The following GALNT13 variants were observed in gnomAD, a reference collection of about 807,000 sequenced individuals.
GALNT13 encodes UDP-GalNAc:polypeptide N-acetylgalactosaminyltransferase 13.
Under a neutral mutation model 64.2 loss-of-function variants are expected in GALNT13, and 28 were observed. The observed-to-expected ratio is 0.44, with a 90% confidence interval of 0.32 to 0.60. GALNT13 has a LOEUF of 0.60. GALNT13 is among the 20% of genes least tolerant of loss of function. GALNT13 has a pLI of 0.05. For missense variants in GALNT13, 577 were observed against 669.8 expected, an observed-to-expected ratio of 0.86 and a Z score of 1.53; for synonymous variants, 214 against 224.6, an observed-to-expected ratio of 0.95 and a Z score of 0.42.
the GALNT13 span, among the ~76,000 whole-genome samples, chr2:153,592,669 A>T: frequency 6.6e-6 from 1 of 152,150 alleles, no homozygotes; most frequent in East Asian, 1.9e-4. Flanking sequence ...AAAGAGTGGA[A>T]TTATAGACAA....
At chr2:154,356,542 G>A (rs1007488692) in intron 9 of GALNT13, among the ~76,000 whole-genome samples, 1 of 151,888 alleles carries the variant, frequency 6.6e-6, no homozygotes, top group Non-Finnish European at 1.5e-5. Context: ...CTTGCATGAG[G>A]TACTTTATCA....
chr2:154,297,208 G>T (rs552797907), intron 8 of GALNT13, among the ~76,000 whole-genome samples: 88 of 152,226 alleles, frequency 5.8e-4, no homozygotes, highest in African/African-American at 1.9e-3. Context: ...ATTTTTAAAA[G>T]ACCACTTTGA....
chr2:154,278,799 C>CA (rs1415779025), intron 8 of GALNT13, among the ~76,000 whole-genome samples: 2 of 151,968 alleles, frequency 1.3e-5, no homozygotes, highest in African/African-American at 4.8e-5. Flanking sequence ...ATTGTGAAAA[C>CA]ATGTAGTGGG....
At chr2:153,975,132 G>A (rs1357784098) in intron 3 of GALNT13, among the ~76,000 whole-genome samples, 1 of 151,988 alleles carries the variant, frequency 6.6e-6, no homozygotes, top group Non-Finnish European at 1.5e-5. Context: ...TTAATTCAAG[G>A]AAATGTATTT....
the GALNT13 span, among the ~76,000 whole-genome samples, chr2:153,592,175 C>G: frequency 5.3e-5 from 8 of 151,940 alleles, no homozygotes; most frequent in East Asian, 1.9e-4. Flanking sequence ...GCATTAAAGT[C>G]AAGAAACAAC....
chr2:154,401,079 T>G (rs1229907246), intron 10 of GALNT13, among the ~76,000 whole-genome samples: 1 of 152,198 alleles, frequency 6.6e-6, no homozygotes, highest in Non-Finnish European at 1.5e-5. Context: ...AGCATATGCA[T>G]TTTGTATTGT....
chr2:154,361,280 A>T (rs1464283157), intron 9 of GALNT13, among the ~76,000 whole-genome samples: 1 of 152,132 alleles, frequency 6.6e-6, no homozygotes, highest in Non-Finnish European at 1.5e-5. Context: ...ATATAGCATA[A>T]ACGCTTCCTT....
At chr2:153,256,723 A>G in the GALNT13 span, among the ~76,000 whole-genome samples, 4 of 152,266 alleles carry the variant, frequency 2.6e-5, no homozygotes, top group South Asian at 2.1e-4. Flanking sequence ...GTGAGGTGTC[A>G]GTCTGCCCCT....
chr2:153,124,138 C>T, the GALNT13 span, among the ~76,000 whole-genome samples: 1 of 152,078 alleles, frequency 6.6e-6, no homozygotes, highest in Non-Finnish European at 1.5e-5. Context: ...AAACTGAGGC[C>T]CTCAGTCCAA....
chr2:153,854,280 T>G, the GALNT13 span, among the ~76,000 whole-genome samples: 1 of 151,542 alleles, frequency 6.6e-6, no homozygotes, highest in Non-Finnish European at 1.5e-5. Flanking sequence ...AAATATAATT[T>G]ATATTATTAA....
chr2:153,684,855 C>T, the GALNT13 span, among the ~76,000 whole-genome samples: 1 of 151,750 alleles, frequency 6.6e-6, no homozygotes, highest in Non-Finnish European at 1.5e-5. Context: ...CTCTATGTTT[C>T]CTTGTGTTCT....
At chr2:154,441,635 A>AT (rs1355153036) in intron 12 of GALNT13, 3 of 152,264 alleles carry the variant, frequency 2.0e-5, no homozygotes, top group African/African-American at 7.2e-5. Context: ...TGTGAATCTC[A>AT]CCATGTGAAC....
chr2:154,219,439 A>C (rs1688212289), intron 4 of GALNT13, among the ~76,000 whole-genome samples: 1 of 152,112 alleles, frequency 6.6e-6, no homozygotes, highest in African/African-American at 2.4e-5. Flanking sequence ...CCATTTTCAC[A>C]ATCTTACCAT....
At chr2:153,162,552 C>G in the GALNT13 span, among the ~76,000 whole-genome samples, 1 of 152,116 alleles carries the variant, frequency 6.6e-6, no homozygotes, top group African/African-American at 2.4e-5. Flanking sequence ...AGTCAGCCCC[C>G]CTGGGAAGAG....
intron 4 of GALNT13, among the ~76,000 whole-genome samples, chr2:154,166,815 A>G (rs1267186942): frequency 2.6e-5 from 4 of 152,224 alleles, no homozygotes; most frequent in Admixed American, 2.0e-4. Flanking sequence ...GGATGAGTTC[A>G]TGTCCTTTGT....
chr2:154,325,786 A>G (rs1047954304), intron 9 of GALNT13, among the ~76,000 whole-genome samples: 5 of 152,002 alleles, frequency 3.3e-5, no homozygotes, highest in African/African-American at 1.2e-4. Flanking sequence ...TCAAGCATGT[A>G]TTTCATTTTT....
the GALNT13 span, among the ~76,000 whole-genome samples, chr2:153,726,468 T>G: frequency 6.6e-6 from 1 of 152,220 alleles, no homozygotes; most frequent in Admixed American, 6.5e-5. Flanking sequence ...ATAAAATTCC[T>G]GCAAAGTAAA....
At chr2:153,764,760 T>C in the GALNT13 span, among the ~76,000 whole-genome samples, 1 of 152,188 alleles carries the variant, frequency 6.6e-6, no homozygotes, top group Non-Finnish European at 1.5e-5. Flanking sequence ...TCCAGAAGCC[T>C]TGAAGTAATA....
intron 3 of GALNT13, among the ~76,000 whole-genome samples, chr2:153,971,632 T>C (rs1006286399): frequency 1.3e-5 from 2 of 152,138 alleles, no homozygotes; most frequent in Non-Finnish European, 2.9e-5. Flanking sequence ...GCAAAATTTA[T>C]AGAGAAAGCA....
Sources: gnomAD v4.1 joint callset for allele counts (sites outside exome capture counted in the v4.1 genomes callset) on GRCh38, gnomAD v4.1.1 for gene constraint, MANE v1.5 for transcripts, NCBI Gene and HGNC (gene_info 2026-07-23, HGNC 2026-07-21) for gene names.